DNAH3: variants seen among roughly 807,000 people sequenced by gnomAD.
The protein encoded by DNAH3 is dynein axonemal heavy chain 3.
DNAH3 carries 332 observed loss-of-function variants against 432.5 expected under a neutral mutation model. The observed-to-expected ratio is 0.77, with a 90% CI of 0.70 to 0.84. The LOEUF is 0.84. Ranked by LOEUF, DNAH3 falls within the 40% of genes least tolerant of loss-of-function variation. The pLI, the probability that DNAH3 is intolerant of heterozygous loss-of-function variation, is 0.00. For synonymous variants in DNAH3, 1,956 were observed against 1,900.2 expected (o/e 1.03, Z -0.76); for missense variants, 4,861 against 5,114.0 (o/e 0.95, Z 1.51).
chr16:21,058,950 C>T (rs1055654689), intron 26 of DNAH3, among the ~76,000 whole-genome samples: 3 of 152,038 alleles, frequency 2.0e-5, no homozygotes, highest in African/African-American at 7.2e-5. Context: ...TACATGTATA[C>T]CTATGTAACA....
At chr16:21,091,124 A>G (rs544352536) in intron 18 of DNAH3, among the ~76,000 whole-genome samples, 2 of 152,156 alleles carry the variant, frequency 1.3e-5, no homozygotes, top group East Asian at 3.9e-4. Flanking sequence ...CTGTGGTCCA[A>G]CCTAGGTGGC....
At chr16:21,121,899 C>A in intron 10 of DNAH3, 46 bp downstream of exon 11, 1 of 1,523,286 alleles carries the variant, frequency 6.6e-7, no homozygotes, top group South Asian at 1.3e-5. Context: ...ATTTTATTCA[C>A]TAAGTGAAAA....
intron 33 of DNAH3, among the ~76,000 whole-genome samples, chr16:21,038,252 G>A (rs1039484022): frequency 6.6e-6 from 1 of 152,214 alleles, no homozygotes; most frequent in African/African-American, 2.4e-5. Context: ...TGTGATCTCA[G>A]CACTTTGGGA....
intron 3 of DNAH3, among the ~76,000 whole-genome samples, chr16:21,144,183 A>T (rs1295702278): frequency 6.6e-6 from 1 of 152,118 alleles, no homozygotes; most frequent in African/African-American, 2.4e-5. Context: ...ATCTCCTGGT[A>T]ACACCCCTTT....
At chr16:20,996,430 T>G (rs1370862818) in intron 44 of DNAH3, among the ~76,000 whole-genome samples, 1 of 152,184 alleles carries the variant, frequency 6.6e-6, no homozygotes, top group East Asian at 1.9e-4. Flanking sequence ...CAGACCTGTG[T>G]CAGCTGCCAA....
At chr16:21,056,504 C>A (rs80299404) in intron 27 of DNAH3, among the ~76,000 whole-genome samples, 1 of 151,062 alleles carries the variant, frequency 6.6e-6, no homozygotes, top group Non-Finnish European at 1.5e-5. Flanking sequence ...TGTAAAAGAG[C>A]CTTTTTCTCT....
At chr16:21,057,033 C>A (rs1245114896) in intron 27 of DNAH3, among the ~76,000 whole-genome samples, 1 of 152,130 alleles carries the variant, frequency 6.6e-6, no homozygotes, top group Non-Finnish European at 1.5e-5. Flanking sequence ...CACAGCCAAT[C>A]CTCTAAGAGG....
At chr16:20,955,878 T>C (rs1340018475) in intron 54 of DNAH3, among the ~76,000 whole-genome samples, 3 of 152,222 alleles carry the variant, frequency 2.0e-5, no homozygotes, top group Middle Eastern at 3.4e-3. Context: ...TCTTGGCACA[T>C]TGCATCTGAG....
chr16:21,078,148 G>A (rs2639780), intron 20 of DNAH3, among the ~76,000 whole-genome samples: 1,818 of 151,874 alleles, frequency 0.012, 43 homozygotes, highest in African/African-American at 0.04. Flanking sequence ...GGTGGCGCAC[G>A]CCTGTAATCC....
chr16:21,036,961 C>T, intron 34 of DNAH3, 113 bp from the exon 35 acceptor site: 1 of 848,036 alleles, frequency 1.2e-6, no homozygotes. Context: ...AAATTCCAGA[C>T]CTTATTTTTC....
At chr16:21,116,737 G>T (rs1364952839) in intron 12 of DNAH3, among the ~76,000 whole-genome samples, 1 of 152,166 alleles carries the variant, frequency 6.6e-6, no homozygotes, top group East Asian at 1.9e-4. Flanking sequence ...TCTGAAAACA[G>T]ACAGTTGCCT....
intron 53 of DNAH3, among the ~76,000 whole-genome samples, chr16:20,962,197 A>G (rs1415436448): frequency 6.6e-6 from 1 of 152,064 alleles, no homozygotes; most frequent in Non-Finnish European, 1.5e-5. Flanking sequence ...AATTAAAAAA[A>G]ATAATCATTG....
intron 20 of DNAH3, among the ~76,000 whole-genome samples, chr16:21,081,120 T>C (rs544024430): frequency 6.6e-6 from 1 of 152,116 alleles, no homozygotes; most frequent in East Asian, 1.9e-4. Flanking sequence ...GGTTTCACTA[T>C]GTTGGCCAGG....
At chr16:20,978,338 G>T (rs1326413633) in intron 50 of DNAH3, among the ~76,000 whole-genome samples, 1 of 152,132 alleles carries the variant, frequency 6.6e-6, no homozygotes, top group Non-Finnish European at 1.5e-5. Flanking sequence ...AGATCAGACT[G>T]GCCAACATGG....
At chr16:21,090,911 G>A (rs2091513970) in intron 18 of DNAH3, among the ~76,000 whole-genome samples, 1 of 152,070 alleles carries the variant, frequency 6.6e-6, no homozygotes, top group Admixed American at 6.6e-5. Flanking sequence ...TAGCACTTTG[G>A]GAATCAGAGG....
chr16:21,013,550 G>T (rs549674434), intron 41 of DNAH3, among the ~76,000 whole-genome samples: 1 of 151,682 alleles, frequency 6.6e-6, no homozygotes, highest in Non-Finnish European at 1.5e-5. Context: ...GAGAAACCCC[G>T]TCTCTACCAA....
chr16:20,943,720 C>T (rs1427281236), intron 58 of DNAH3, among the ~76,000 whole-genome samples: 1 of 152,132 alleles, frequency 6.6e-6, no homozygotes, highest in Non-Finnish European at 1.5e-5. Context: ...GTGGCTCACG[C>T]CTGTAATCCC....
chr16:21,046,486 T>G (rs1402204905), intron 31 of DNAH3, among the ~76,000 whole-genome samples: 5 of 151,816 alleles, frequency 3.3e-5, no homozygotes. Context: ...TATCAGAGAC[T>G]AGGATTGCAA....
At chr16:20,941,658 C>G in intron 58 of DNAH3, 115 bp from the exon 59 acceptor site, 7 of 1,319,054 alleles carry the variant, frequency 5.3e-6, no homozygotes, top group Non-Finnish European at 7.3e-6. Flanking sequence ...TGGGACTTTC[C>G]TGAGAACTCT....
Sources: gnomAD v4.1 joint callset for allele counts (sites outside exome capture counted in the v4.1 genomes callset) on GRCh38, gnomAD v4.1.1 for gene constraint, MANE v1.5 for transcripts, NCBI Gene and HGNC (gene_info 2026-07-23, HGNC 2026-07-21) for gene names.